SPG7: variants seen among roughly 807,000 people sequenced by gnomAD.
SPG7 encodes SPG7 matrix AAA peptidase subunit, paraplegin, also known as mitochondrial inner membrane m-AAA protease component paraplegin.
SPG7 carries 103 observed loss-of-function variants against 81.9 expected under a neutral mutation model. That is an observed-to-expected ratio of 1.26 (90% CI 1.07 to 1.48). The LOEUF (loss-of-function observed/expected upper bound fraction) is 1.48, where lower values mean the gene tolerates loss of function less well. SPG7 is among the 40% of genes most tolerant of loss of function. The pLI, the probability that SPG7 is intolerant of heterozygous loss-of-function variation, is 0.00. For missense variants in SPG7, 1,241 were observed against 1,087.3 expected, an observed-to-expected ratio of 1.14 and a Z score of -1.99; for synonymous variants, 534 against 444.2, an observed-to-expected ratio of 1.20 and a Z score of -2.54.
chr16:89,532,228 CATG>C (rs1321099873), intron 8 of SPG7, among the ~76,000 whole-genome samples, 162 bp downstream of exon 8: 4 of 152,230 alleles, frequency 2.6e-5, no homozygotes, highest in Non-Finnish European at 4.4e-5. Context: ...CTGCGAAGCA[CATG>C]ATGTTTGCTT....
chr16:89,532,085 G>A lies in SPG7; in HGVS notation c.1150+19G>A. 1 of 1,609,990 alleles carries A rather than the reference G, an allele frequency of 6.2e-7. No individual in the cohort carries two copies. Among genetic ancestry groups the A allele is most frequent in the Non-Finnish European group, 8.5e-7 (1 of 1,179,744 alleles). ...ATTGGAGGTAGGTGCTGTGGTTGGGGGCTGTGGGTGGGCTTGGCTGACTAC... is the reference window on the plus strand; with the variant it reads ...ATTGGAGGTAGGTGCTGTGGTTGGGAGCTGTGGGTGGGCTTGGCTGACTAC... On this transcript the variant is annotated intron_variant, in intron 8 of 16. Coordinates refer to ENST00000645818, the MANE Select transcript of SPG7 (RefSeq NM_003119.4).
intron 1 of SPG7, 42 bp downstream of exon 1, chr16:89,508,642 C>T (rs1450709196): frequency 1.1e-5 from 16 of 1,434,424 alleles, no homozygotes; most frequent in Non-Finnish European, 1.5e-5. Flanking sequence ...CCGCCCGGCT[C>T]TGCTCTGTAA....
At chr16:89,548,499 G>A in intron 12 of SPG7, 1 of 303,726 alleles carries the variant, frequency 3.3e-6, no homozygotes, top group Non-Finnish European at 6.4e-6. Context: ...GTGGGCCGGA[G>A]GGCTGCTGCC....
intron 13 of SPG7, chr16:89,552,134 C>G (rs561470774): frequency 4.6e-5 from 7 of 152,476 alleles, no homozygotes; most frequent in African/African-American, 1.7e-4. Flanking sequence ...TCACAGCTCA[C>G]TGCAGCCTCG....
In SPG7 at chr16:89,550,490, TC is replaced by T; in HGVS notation, c.1664-3del. The T allele has an allele frequency of 1.9e-6, 3 of 1,610,912 alleles. No individual in the cohort carries two copies. The highest frequency in any genetic ancestry group is 2.5e-6 in the Non-Finnish European group (3 of 1,177,786). ...GCCCAACTCATACCCCGGCATTCTT[TC>T]AGGGACTGCCAAAAAGAGCAAGATC... On this transcript the variant is annotated splice_region_variant and splice_polypyrimidine_tract_variant and intron_variant, in intron 12 of 16. Coordinates refer to ENST00000645818, the MANE Select transcript of SPG7 (RefSeq NM_003119.4).
intron 12 of SPG7, chr16:89,550,173 C>G: frequency 1.4e-5 from 5 of 359,942 alleles, no homozygotes; most frequent in Non-Finnish European, 2.2e-5. Flanking sequence ...CCCCGTCATT[C>G]TTTTTTGTTT....
intron 9 of SPG7, chr16:89,537,171 A>T (rs1337059185): frequency 6.9e-7 from 1 of 1,451,446 alleles, no homozygotes; most frequent in Non-Finnish European, 9.0e-7. Context: ...ATGGAAGCGC[A>T]CAGGATAGGG....
chr16:89,544,840 C>G, intron 10 of SPG7, 68 bp downstream of exon 10: 1 of 1,587,202 alleles, frequency 6.3e-7, no homozygotes, highest in Non-Finnish European at 8.6e-7. Context: ...AGTGGTCTGG[C>G]CTCTCCTCTA....
Position 89,550,621 on chromosome 16 carries a change from C to G in SPG7, c.1779+12C>G. ...AGGCCGTGATGAAGGTGGGTCTTGGCAGGTGCCGGCTCCACGGGCCTTGGC... is the reference window on the plus strand; with the variant it reads ...AGGCCGTGATGAAGGTGGGTCTTGGGAGGTGCCGGCTCCACGGGCCTTGGC... On this transcript the variant is annotated intron_variant, in intron 13 of 16. Transcript: ENST00000645818. 6.3e-7 allele frequency: 1 copy of G among 1,591,416 alleles called. No individual in the cohort carries two copies. The highest frequency in any genetic ancestry group is 1.7e-4 in the Middle Eastern group (1 of 6,030).
chr16:89,541,450 G>C, intron 9 of SPG7: 1 of 550,380 alleles, frequency 1.8e-6, no homozygotes, highest in Non-Finnish European at 2.3e-6. Context: ...TCAGCAGTTA[G>C]GGGAGGTCTC....
At chr16:89,513,656 A>T (rs999863359) in intron 3 of SPG7, among the ~76,000 whole-genome samples, 5 of 152,230 alleles carry the variant, frequency 3.3e-5, no homozygotes, top group Admixed American at 1.3e-4. Flanking sequence ...CAGGAGTTGG[A>T]GGCTCAGCTT....
chr16:89,555,914 C>A (rs1235379175), intron 16 of SPG7: 1 of 398,860 alleles, frequency 2.5e-6, no homozygotes. Flanking sequence ...GTGTTTGGGG[C>A]CCTTAGACTG....
Position 89,530,802 on chromosome 16 carries a change from TCTGAAG to T in SPG7, c.982_987del (p.Leu328_Lys329del). 6.2e-7 allele frequency: 1 copy of T among 1,614,078 alleles called. No homozygotes were observed. Reference sequence around the variant, plus strand: ...TGGAAGTCCGCGAGTTTGTGGATTATCTGAAGGTGAAAGCAGCGTGGGCCGGGAGGG... The same window carrying T: ...TGGAAGTCCGCGAGTTTGTGGATTATGTGAAAGCAGCGTGGGCCGGGAGGG... On this transcript the variant is annotated inframe_deletion and splice_region_variant, in exon 7 of 17. Transcript: ENST00000645818.
chr16:89,555,715 T>C (rs2058681137), intron 16 of SPG7: 1 of 397,594 alleles, frequency 2.5e-6, no homozygotes, highest in Non-Finnish European at 4.4e-6. Context: ...TCTGATGTGT[T>C]TCTCACAGTG....
At chr16:89,552,863 C>A in intron 13 of SPG7, 116 bp from the exon 14 acceptor site, 7 of 957,972 alleles carry the variant, frequency 7.3e-6, no homozygotes, top group Non-Finnish European at 8.1e-6. Flanking sequence ...GGATGCTGCA[C>A]ATTTGCCTTC....
chr16:89,549,126 T>A (rs2058603490), intron 12 of SPG7: 1 of 456,536 alleles, frequency 2.2e-6, no homozygotes, highest in African/African-American at 2.0e-5. Context: ...TTACTGAAAT[T>A]TATTTTCGTG....
At chr16:89,538,214 G>C (rs557931661) in intron 9 of SPG7, 3 of 152,224 alleles carry the variant, frequency 2.0e-5, no homozygotes, top group African/African-American at 7.2e-5. Context: ...TTCGGGTTGG[G>C]CGTCTCGTGC....
chr16:89,537,119 A>T (rs2152406105), intron 9 of SPG7: 1 of 1,480,180 alleles, frequency 6.8e-7, no homozygotes, highest in Non-Finnish European at 8.9e-7. Flanking sequence ...GTGCATGCTC[A>T]GCCCTGCCGA....
intron 1 of SPG7, among the ~76,000 whole-genome samples, chr16:89,509,978 ATTTG>A (rs1490971651): frequency 7.0e-6 from 1 of 142,484 alleles, no homozygotes; most frequent in Non-Finnish European, 1.5e-5. Context: ...TTGTTTGTTT[ATTTG>A]TTTGTTTTTT....
Sources: allele counts gnomAD v4.1 joint callset (sites outside exome capture counted in the v4.1 genomes callset), GRCh38; gene constraint gnomAD v4.1.1; transcripts MANE v1.5; gene names NCBI Gene and HGNC (gene_info 2026-07-23, HGNC 2026-07-21).